The following ATXN1 variants were observed in gnomAD, a reference collection of about 807,000 sequenced individuals.
ATXN1 encodes ataxin 1.
In ATXN1, 8 loss-of-function variants were observed where a neutral mutation model predicts 56.4. The observed-to-expected ratio is 0.14, with a 90% CI of 0.08 to 0.26. ATXN1 has a LOEUF of 0.26. ATXN1 is among the 10% of genes least tolerant of loss of function. The probability of loss-of-function intolerance (pLI) is 1.00; values close to 1 mark genes in which losing one functional copy is unlikely to be tolerated. For synonymous variants in ATXN1, 514 were observed against 494.6 expected (o/e 1.04, Z -0.52); for missense variants, 987 against 1,106.5 (o/e 0.89, Z 1.53).
chr6:16,310,751 T>C (rs1760370186), intron 7 of ATXN1, among the ~76,000 whole-genome samples: 1 of 152,192 alleles, frequency 6.6e-6, no homozygotes, highest in African/African-American at 2.4e-5. Flanking sequence ...TCTCCCAAAG[T>C]GCTGGGATTA....
intron 4 of ATXN1, among the ~76,000 whole-genome samples, chr6:16,562,459 AGGAGAGGAGAGGAGAGGAG>A (rs1762139262): frequency 5.2e-5 from 2 of 38,700 alleles, no homozygotes; most frequent in African/African-American, 8.2e-5. Flanking sequence ...AGAAAAGGAG[AGGAGAGGAGAGGAGAGGAG>A]AGGAGAGGAA....
At chr6:16,607,170 G>A (rs937798677) in intron 3 of ATXN1, among the ~76,000 whole-genome samples, 2 of 152,106 alleles carry the variant, frequency 1.3e-5, no homozygotes, top group Non-Finnish European at 2.9e-5. Context: ...CACCGCGTCC[G>A]GCCAGGCAGC....
chr6:16,742,152 A>G (rs1461621090), intron 2 of ATXN1, among the ~76,000 whole-genome samples: 1 of 152,184 alleles, frequency 6.6e-6, no homozygotes, highest in African/African-American at 2.4e-5. Flanking sequence ...TTATGGGTCT[A>G]TGACCACTTA....
intron 6 of ATXN1, among the ~76,000 whole-genome samples, chr6:16,468,501 T>C (rs1448071576): frequency 1.3e-5 from 2 of 152,184 alleles, no homozygotes; most frequent in Non-Finnish European, 2.9e-5. Context: ...GACTGGTTAT[T>C]ACCTTATAAA....
intron 6 of ATXN1, among the ~76,000 whole-genome samples, chr6:16,413,399 G>A (rs1028132897): frequency 2.6e-5 from 4 of 151,890 alleles, no homozygotes; most frequent in Non-Finnish European, 2.9e-5. Flanking sequence ...GATGCGGCTC[G>A]GGACCCATTC....
chr6:16,568,146 C>T (rs879817980), intron 4 of ATXN1, among the ~76,000 whole-genome samples: 10 of 152,160 alleles, frequency 6.6e-5, no homozygotes, highest in South Asian at 2.1e-4. Flanking sequence ...AATTTATAGG[C>T]GGACTGTGCA....
intron 6 of ATXN1, among the ~76,000 whole-genome samples, chr6:16,438,642 GA>G (rs1384271278): frequency 6.6e-6 from 1 of 152,148 alleles, no homozygotes; most frequent in African/African-American, 2.4e-5. Context: ...CGTATAATCA[GA>G]TAACTGGTCC....
chr6:16,580,813 T>TA (rs1351747092), intron 4 of ATXN1, among the ~76,000 whole-genome samples: 2 of 152,224 alleles, frequency 1.3e-5, no homozygotes, highest in South Asian at 2.1e-4. Flanking sequence ...TCGCTTTTCC[T>TA]AAAAAAATCA....
intron 3 of ATXN1, among the ~76,000 whole-genome samples, chr6:16,599,157 A>C (rs902328267): frequency 6.6e-6 from 1 of 152,148 alleles, no homozygotes; most frequent in Non-Finnish European, 1.5e-5. Context: ...TTTCCTATGC[A>C]TCAGTACCTC....
intron 4 of ATXN1, among the ~76,000 whole-genome samples, chr6:16,525,814 T>TA (rs914687162): frequency 2.3e-4 from 35 of 150,188 alleles, no homozygotes; most frequent in Middle Eastern, 3.4e-3. Context: ...AATTAAAAAT[T>TA]AAAAAAAAAT....
At chr6:16,702,294 G>A (rs565787765) in intron 2 of ATXN1, among the ~76,000 whole-genome samples, 20 of 152,266 alleles carry the variant, frequency 1.3e-4, no homozygotes, top group East Asian at 3.9e-4. Context: ...GTAGAAAGCC[G>A]AAACTGAACC....
At chr6:16,309,333 A>G (rs749367272) in intron 7 of ATXN1, among the ~76,000 whole-genome samples, 3 of 152,010 alleles carry the variant, frequency 2.0e-5, no homozygotes, top group Non-Finnish European at 4.4e-5. Flanking sequence ...CAAGAATGCA[A>G]TGAGCTTTCC....
chr6:16,716,773 T>C (rs1250317108), intron 2 of ATXN1, among the ~76,000 whole-genome samples: 1 of 152,220 alleles, frequency 6.6e-6, no homozygotes, highest in Non-Finnish European at 1.5e-5. Context: ...GATGTAGCTA[T>C]GTGCTAATAA....
intron 2 of ATXN1, among the ~76,000 whole-genome samples, chr6:16,708,422 C>A (rs1303689619): frequency 6.6e-6 from 1 of 152,120 alleles, no homozygotes; most frequent in Non-Finnish European, 1.5e-5. Context: ...TACTACTAGA[C>A]AATTCCCAGA....
intron 4 of ATXN1, among the ~76,000 whole-genome samples, chr6:16,544,485 T>A (rs1334280138): frequency 6.6e-6 from 1 of 152,232 alleles, no homozygotes; most frequent in Non-Finnish European, 1.5e-5. Flanking sequence ...GCTACAATCA[T>A]GTGAAACTCC....
chr6:16,538,722 G>A (rs1271323021), intron 4 of ATXN1, among the ~76,000 whole-genome samples: 2 of 152,030 alleles, frequency 1.3e-5, no homozygotes, highest in Non-Finnish European at 2.9e-5. Flanking sequence ...GTCTCGCTCT[G>A]TCACCCAGGA....
rs1276844870 is a variant in ATXN1 at position 16,305,075 on chromosome 6, T to A, written c.*1254A>T. 2 of 152,786 alleles carry A rather than the reference T, an allele frequency of 1.3e-5. No homozygotes were observed. Among genetic ancestry groups the A allele is most frequent in the East Asian group, 3.9e-4 (2 of 5,192 alleles). The allele number at this position is 152,786 out of a possible 1,614,324, so 9.5% of individuals were successfully genotyped here. ...CAATTCTGCAGAGCTGAAATGTAGT[T>A]ACAGTGTTGAAAAAAAGAAAGCAAC... On this transcript the variant is annotated 3_prime_UTR_variant, in exon 8 of 8. Transcript: ENST00000436367.
At chr6:16,699,118 T>A (rs952382469) in intron 2 of ATXN1, among the ~76,000 whole-genome samples, 1 of 152,236 alleles carries the variant, frequency 6.6e-6, no homozygotes, top group Admixed American at 6.5e-5. Flanking sequence ...ACAGTTCATC[T>A]GTATGTGCCA....
chr6:16,582,686 A>G (rs561352499), intron 4 of ATXN1, among the ~76,000 whole-genome samples: 1 of 152,318 alleles, frequency 6.6e-6, no homozygotes, highest in Non-Finnish European at 1.5e-5. Context: ...AGCACAATTA[A>G]TATGGTTAAG....
Sources: allele counts gnomAD v4.1 joint callset (sites outside exome capture counted in the v4.1 genomes callset), GRCh38; gene constraint gnomAD v4.1.1; transcripts MANE v1.5; gene names NCBI Gene and HGNC (gene_info 2026-07-23, HGNC 2026-07-21).